The following DGKI variants were observed in gnomAD, a reference collection of about 807,000 sequenced individuals.
DGKI encodes the protein DAG kinase iota.
DGKI carries 55 observed loss-of-function variants against 147.5 expected under a neutral mutation model. The ratio of observed to expected loss-of-function variants is 0.37; its 90% confidence interval spans 0.30 to 0.47. DGKI has a LOEUF of 0.47. Ranked by LOEUF, DGKI falls within the 20% of genes least tolerant of loss-of-function variation. The pLI is 1.00. For synonymous variants in DGKI, 469 were observed against 477.1 expected, an observed-to-expected ratio of 0.98 and a Z score of 0.22; for missense variants, 1,007 against 1,323.8, an observed-to-expected ratio of 0.76 and a Z score of 3.71.
intron 5 of DGKI, among the ~76,000 whole-genome samples, chr7:137,652,485 C>G (rs550821486): frequency 3.7e-4 from 56 of 152,136 alleles, no homozygotes; most frequent in Non-Finnish European, 5.1e-4. Context: ...GAAACAACCC[C>G]TTCTAGTTTC....
At chr7:137,830,619 T>G (rs777555651) in intron 1 of DGKI, among the ~76,000 whole-genome samples, 9 of 152,180 alleles carry the variant, frequency 5.9e-5, no homozygotes, top group Non-Finnish European at 1.2e-4. Context: ...TGAAAACCAC[T>G]TTTGGATAAG....
At chr7:137,492,466 T>C (rs950275322) in intron 21 of DGKI, among the ~76,000 whole-genome samples, 2 of 152,126 alleles carry the variant, frequency 1.3e-5, no homozygotes, top group African/African-American at 4.8e-5. Context: ...GGGGCTACCA[T>C]TCATCAGTTC....
intron 1 of DGKI, among the ~76,000 whole-genome samples, chr7:137,839,205 C>T (rs1405614101): frequency 6.6e-6 from 1 of 152,206 alleles, no homozygotes; most frequent in African/African-American, 2.4e-5. Context: ...ATTTCCAAAG[C>T]ACTAAGAAGC....
At chr7:137,838,436 C>T (rs951866046) in intron 1 of DGKI, among the ~76,000 whole-genome samples, 9 of 152,184 alleles carry the variant, frequency 5.9e-5, no homozygotes, top group East Asian at 1.9e-4. Flanking sequence ...GAACCCTTTC[C>T]GACCGCTTCC....
chr7:137,479,640 C>A (rs1045700206), intron 23 of DGKI, among the ~76,000 whole-genome samples: 3 of 152,068 alleles, frequency 2.0e-5, no homozygotes, highest in Non-Finnish European at 4.4e-5. Flanking sequence ...TTGAACTATG[C>A]CTTCAATGTG....
At chr7:137,401,895 A>T (rs1811774981) in intron 30 of DGKI, among the ~76,000 whole-genome samples, 4 of 152,194 alleles carry the variant, frequency 2.6e-5, no homozygotes, top group Admixed American at 2.6e-4. Context: ...TTGTCATTTG[A>T]ACTCTGCTTA....
chr7:137,828,491 G>A (rs80202700), intron 1 of DGKI, among the ~76,000 whole-genome samples: 1,910 of 152,172 alleles, frequency 0.013, 41 homozygotes, highest in African/African-American at 0.043. Flanking sequence ...CACTCAGTGC[G>A]TGGAAGAGCC....
intron 3 of DGKI, among the ~76,000 whole-genome samples, 169 bp from the exon 4 acceptor site, chr7:137,656,709 A>T (rs1822237164): frequency 6.6e-6 from 1 of 152,186 alleles, no homozygotes; most frequent in African/African-American, 2.4e-5. Flanking sequence ...GAATAAACTG[A>T]CAAACTTTAT....
At chr7:137,787,981 C>T (rs1022903477) in intron 1 of DGKI, among the ~76,000 whole-genome samples, 2 of 152,052 alleles carry the variant, frequency 1.3e-5, no homozygotes, top group Admixed American at 6.6e-5. Context: ...TCAGAAATCA[C>T]CCCTAAAGAA....
At chr7:137,433,551 A>C (rs1813164529) in intron 28 of DGKI, among the ~76,000 whole-genome samples, 2 of 152,256 alleles carry the variant, frequency 1.3e-5, no homozygotes, top group South Asian at 4.1e-4. Context: ...TCAGTGTACC[A>C]ACCCAGCCCC....
At chr7:137,760,490 A>G (rs1402318396) in intron 1 of DGKI, among the ~76,000 whole-genome samples, 7 of 152,308 alleles carry the variant, frequency 4.6e-5, no homozygotes, top group Non-Finnish European at 7.3e-5. Flanking sequence ...AGGAAAGAAC[A>G]GCAATCACTG....
intron 1 of DGKI, among the ~76,000 whole-genome samples, chr7:137,712,095 A>G (rs536837078): frequency 1.3e-5 from 2 of 152,206 alleles, no homozygotes; most frequent in African/African-American, 4.8e-5. Flanking sequence ...TGCTGCTATC[A>G]TTAGTAAAGA....
intron 23 of DGKI, among the ~76,000 whole-genome samples, chr7:137,471,021 A>G (rs1262573403): frequency 6.6e-6 from 1 of 152,228 alleles, no homozygotes; most frequent in Non-Finnish European, 1.5e-5. Context: ...TTGAAAACTG[A>G]AAGGATTTTC....
At chr7:137,427,820 C>G (rs1812884259) in intron 28 of DGKI, among the ~76,000 whole-genome samples, 1 of 152,160 alleles carries the variant, frequency 6.6e-6, no homozygotes, top group African/African-American at 2.4e-5. Context: ...ACAAATTCCT[C>G]GACACATACA....
chr7:137,450,682 G>A (rs1008392491), intron 27 of DGKI, among the ~76,000 whole-genome samples: 2 of 151,900 alleles, frequency 1.3e-5, no homozygotes, highest in African/African-American at 4.8e-5. Context: ...AGATTGCACC[G>A]TTGCACTCCT....
At chr7:137,517,215 A>C (rs1351654814) in intron 21 of DGKI, among the ~76,000 whole-genome samples, 1 of 140,842 alleles carries the variant, frequency 7.1e-6, no homozygotes, top group East Asian at 2.0e-4. Flanking sequence ...AAAGTAAAGA[A>C]AAGAAAAGAA....
chr7:137,732,064 C>T (rs1045375568), intron 1 of DGKI, among the ~76,000 whole-genome samples: 1 of 152,114 alleles, frequency 6.6e-6, no homozygotes, highest in Non-Finnish European at 1.5e-5. Flanking sequence ...GCAATTCTGT[C>T]ATCTGTAACA....
At chr7:137,493,876 G>T in intron 21 of DGKI, 1 of 657,510 alleles carries the variant, frequency 1.5e-6, no homozygotes, top group South Asian at 1.7e-5. Flanking sequence ...GGACAGGAAT[G>T]AAGATCATCG....
chr7:137,810,909 A>G (rs1005013372), intron 1 of DGKI, among the ~76,000 whole-genome samples: 2 of 152,244 alleles, frequency 1.3e-5, no homozygotes, highest in African/African-American at 4.8e-5. Flanking sequence ...TTGATGAAGC[A>G]TACCTATGAC....
Sources: allele counts gnomAD v4.1 joint callset (sites outside exome capture counted in the v4.1 genomes callset), GRCh38; gene constraint gnomAD v4.1.1; transcripts MANE v1.5; gene names NCBI Gene and HGNC (gene_info 2026-07-23, HGNC 2026-07-21).